SULT2A1: variants seen among roughly 807,000 people sequenced by gnomAD.
SULT2A1 encodes sulfotransferase 2A1.
In SULT2A1, 43 loss-of-function variants were observed where a neutral mutation model predicts 33.9. That is an observed-to-expected ratio of 1.27 (90% CI 1.00 to 1.64). SULT2A1 has a LOEUF of 1.64. Among genes scored for constraint, SULT2A1 ranks in the 40% most tolerant of loss-of-function variants. The pLI, the probability that SULT2A1 is intolerant of heterozygous loss-of-function variation, is 0.00. For missense variants in SULT2A1, 300 were observed against 335.1 expected, an observed-to-expected ratio of 0.90 and a Z score of 0.82; for synonymous variants, 125 against 113.6, an observed-to-expected ratio of 1.10 and a Z score of -0.64.
intron 5 of SULT2A1, 71 bp downstream of exon 5, chr19:47,874,586 G>T (rs528078197): frequency 3.1e-5 from 30 of 959,656 alleles, no homozygotes; most frequent in African/African-American, 3.1e-4. Flanking sequence ...AACTGTTAGC[G>T]CCCAGTTGTG....
chr19:47,880,562 C>CATT (rs66892249), intron 3 of SULT2A1, among the ~76,000 whole-genome samples: 104 of 146,618 alleles, frequency 7.1e-4, no homozygotes, highest in Middle Eastern at 7.0e-3. Context: ...GTATGGAATA[C>CATT]ATTATTATTA....
intron 2 of SULT2A1, 31 bp downstream of exon 2, chr19:47,883,546 A>G: frequency 6.2e-7 from 1 of 1,600,876 alleles, no homozygotes; most frequent in Non-Finnish European, 8.6e-7. Flanking sequence ...AAAGGCACTG[A>G]TCAAACACGT....
In SULT2A1 at chr19:47,886,196, T is replaced by G; in HGVS notation, c.62A>C (p.Glu21Ala). 6.2e-7 allele frequency: 1 copy of G among 1,614,204 alleles called. No individual in the cohort carries two copies. Among genetic ancestry groups the G allele is most frequent in the South Asian group, 1.1e-5 (1 of 91,086 alleles). Residue 21 changes from glutamate to alanine, a missense_variant, in exon 1 of 6, where the codon GAA becomes GCA. Physicochemically the swap from Glu to Ala is moderately radical, Grantham distance 107. Coordinates refer to ENST00000222002, the MANE Select transcript of SULT2A1 (RefSeq NM_003167.4). The stretch of plus-strand genomic sequence containing the variant: ...CTCATCACGTACTTTTCTTAAGGTT[T>G]CGGATCTGAAACCCATAGTAGGGAA... ...IAFPTMGFRS[E>A]TLRKVRDEFV...
intron 1 of SULT2A1, among the ~76,000 whole-genome samples, chr19:47,885,031 G>C (rs1405366014): frequency 1.3e-5 from 2 of 151,946 alleles, no homozygotes; most frequent in Non-Finnish European, 2.9e-5. Flanking sequence ...GGCTGGTGTC[G>C]AACTCCTGAC....
rs760960441 is a variant in SULT2A1, at chr19:47,879,102, A to G, written c.501T>C (p.Ile167=). 8 of 1,613,884 alleles carry G rather than the reference A, an allele frequency of 5.0e-6. No homozygotes were observed. Among genetic ancestry groups the G allele is most frequent in the South Asian group, 1.1e-5 (1 of 91,086 alleles). ...TVLYGSWFDH[I]HGWMPMREEK... ...CCTCTCTCATGGGCATCCAGCCATG[A>G]ATGTGGTCAAACCATGACCCATATA... The change falls in exon 4 of 6, where the codon ATT becomes ATC. Residue 167 remains isoleucine (I), a synonymous_variant. Transcript: ENST00000222002.
In SULT2A1 at chr19:47,871,191, C is replaced by T. The variant is rs62529882; in HGVS notation, c.*264G>A. On this transcript the variant is annotated 3_prime_UTR_variant, in exon 6 of 6. Coordinates refer to ENST00000222002, the MANE Select transcript of SULT2A1 (RefSeq NM_003167.4). ...ATTTTTAGTAGAGATGGGGTTTCAC[C>T]GTGTTAGCCAGGATGGTCTCAGTCT... The T allele has an allele frequency of 0.018, 5,715 of 323,990 alleles. 309 individuals carry two copies. The highest frequency in any genetic ancestry group is 0.12 in the African/African-American group (5,351 of 46,058). 20.1% of individuals were successfully genotyped at this position (323,990 alleles called of 1,614,324 possible).
rs747352904 is a variant in SULT2A1 at position 47,874,699 on chromosome 19, T to C, written c.703A>G (p.Ser235Gly). 4.4e-5 allele frequency: 71 copies of C among 1,613,994 alleles called. 1 individual carries two copies. The South Asian group carries it at 7.8e-4, about 18-fold the overall frequency. Reference protein sequence around the residue: ...ENKMSNYSLLSVDYVVDKAQL... With the variant: ...ENKMSNYSLLGVDYVVDKAQL... ...GCTTTGTCCACTACATAATCAACAC[T>C]CAGGAGGGAATAATTGGACATCTTG... Residue 235 changes from serine (S) to glycine (G), a missense_variant, in exon 5 of 6, where the codon AGT (serine) becomes GGT (glycine). Coordinates refer to ENST00000222002, the MANE Select transcript of SULT2A1 (RefSeq NM_003167.4).
chr19:47,886,213 A>T lies in SULT2A1; in HGVS notation c.45T>A (p.Thr15=). 1 of 1,614,150 alleles carries T rather than the reference A, an allele frequency of 6.2e-7. No homozygotes were observed. The highest frequency in any genetic ancestry group is 1.1e-5 in the South Asian group (1 of 91,080). ...FLWFEGIAFP[T]MGFRSETLRK... is the part of the protein sequence containing the mutation. ...TTAAGGTTTCGGATCTGAAACCCAT[A>T]GTAGGGAAAGCTATGCCTTCAAACC... The change falls in exon 1 of 6, where the codon ACT becomes ACA. Residue 15 remains threonine, a synonymous_variant. Coordinates refer to ENST00000222002, the MANE Select transcript of SULT2A1 (RefSeq NM_003167.4).
intron 4 of SULT2A1, among the ~76,000 whole-genome samples, chr19:47,878,481 C>T (rs567063862): frequency 1.3e-5 from 2 of 150,792 alleles, no homozygotes; most frequent in South Asian, 4.2e-4. Context: ...AGCCACTGCA[C>T]CCGGTGCCAA....
chr19:47,880,485 C>T (rs62530971), intron 3 of SULT2A1, among the ~76,000 whole-genome samples: 11 of 151,988 alleles, frequency 7.2e-5, no homozygotes, highest in East Asian at 3.9e-4. Context: ...TTCATTTCCT[C>T]ATATACTTAC....
intron 5 of SULT2A1, among the ~76,000 whole-genome samples, chr19:47,872,187 G>C (rs926208077): frequency 6.6e-6 from 1 of 152,098 alleles, no homozygotes; most frequent in Non-Finnish European, 1.5e-5. Flanking sequence ...CAAAGTGCTG[G>C]GATTACAGGC....
Position 47,882,193 on chromosome 19 carries a change from T to C in SULT2A1, c.363A>G (p.Arg121=), listed in dbSNP as rs917952891. 7 of 1,613,644 alleles carry C rather than the reference T, an allele frequency of 4.3e-6. No homozygotes were observed. Among genetic ancestry groups the C allele is most frequent in the Middle Eastern group, 1.7e-4 (1 of 6,058 alleles). Reference sequence around the variant, plus strand: ...CAGACACCAAAACATCTCTGGGATTTCTCATGAGATAAATCACCTTAAATG... The same window carrying C: ...CAGACACCAAAACATCTCTGGGATTCCTCATGAGATAAATCACCTTAAATG... ...SSKAKVIYLM[R]NPRDVLVSGY... is the part of the protein sequence containing the mutation. Residue 121 remains arginine (R), a synonymous_variant, in exon 3 of 6, where the codon AGA becomes AGG. Coordinates refer to ENST00000222002, the MANE Select transcript of SULT2A1 (RefSeq NM_003167.4).
intron 2 of SULT2A1, 117 bp downstream of exon 2, chr19:47,883,460 T>A: frequency 1.9e-6 from 2 of 1,041,724 alleles, no homozygotes; most frequent in Non-Finnish European, 2.9e-6. Context: ...ATCTCAGGTC[T>A]CAACAACACA....
At position 47,871,378 on chromosome 19, in the gene SULT2A1, T is replaced by A. The variant is rs11569678; in HGVS notation, c.*77A>T. ...GGATAAAATAATAAGTCTTACACAATGACCCCAGTCAGGTACATGTACAAG... is the reference window on the plus strand; with the variant it reads ...GGATAAAATAATAAGTCTTACACAAAGACCCCAGTCAGGTACATGTACAAG... On this transcript the variant is annotated 3_prime_UTR_variant, in exon 6 of 6. Transcript: ENST00000222002. 3.5e-3 allele frequency: 3,673 copies of A among 1,047,910 alleles called. 74 individuals carry two copies. In the African/African-American group the frequency reaches 0.051, roughly 15 times the overall value. 64.9% of individuals were successfully genotyped at this position (1,047,910 alleles called of 1,614,324 possible). A position where few individuals can be genotyped will look rare whatever the true frequency, so the allele number is the denominator to read the frequency against.
At chr19:47,882,825 G>C (rs1200666851) in intron 2 of SULT2A1, among the ~76,000 whole-genome samples, 1 of 152,110 alleles carries the variant, frequency 6.6e-6, no homozygotes, top group African/African-American at 2.4e-5. Context: ...TGGAGCAGGA[G>C]AATCACTTGA....
At chr19:47,878,989 G>T (rs1298710400) in intron 4 of SULT2A1, 47 bp downstream of exon 4, 1 of 1,167,148 alleles carries the variant, frequency 8.6e-7, no homozygotes, top group East Asian at 2.3e-5. Context: ...GGAAAGTAAG[G>T]ATGGTGGTGA....
intron 4 of SULT2A1, among the ~76,000 whole-genome samples, chr19:47,875,653 C>G (rs1968537036): frequency 6.6e-6 from 1 of 151,736 alleles, no homozygotes. Flanking sequence ...CAAAACAAAG[C>G]AAAACAAAAC....
At chr19:47,877,078 TAA>T (rs10676904) in intron 4 of SULT2A1, among the ~76,000 whole-genome samples, 60 of 123,266 alleles carry the variant, frequency 4.9e-4, no homozygotes, top group Admixed American at 6.2e-4. Context: ...CTCCACCTCA[TAA>T]AAAAAAAAAA....
chr19:47,875,450 C>T (rs139474985), intron 4 of SULT2A1, among the ~76,000 whole-genome samples: 19 of 151,882 alleles, frequency 1.3e-4, no homozygotes, highest in African/African-American at 3.9e-4. Context: ...CCAGCCTGGG[C>T]GATATAGTGA....
Sources: allele counts gnomAD v4.1 joint callset (sites outside exome capture counted in the v4.1 genomes callset), GRCh38; gene constraint gnomAD v4.1.1; transcripts MANE v1.5; gene names NCBI Gene and HGNC (gene_info 2026-07-23, HGNC 2026-07-21).